Variants in CSMD1 observed in about 807,000 individuals in gnomAD.
The protein encoded by CSMD1 is CUB and Sushi multiple domains 1, also known as CUB and sushi domain-containing protein 1.
A neutral mutation model predicts 417.5 loss-of-function variants in CSMD1; 213 were observed. The ratio of observed to expected loss-of-function variants is 0.51; its 90% CI spans 0.46 to 0.57. The LOEUF is 0.57. CSMD1 is among the 20% of genes least tolerant of loss of function. The probability of loss-of-function intolerance (pLI) is 0.00; values close to 1 mark genes in which losing one functional copy is unlikely to be tolerated. For missense variants in CSMD1, 6,923 were observed against 4,529.7 expected (o/e 1.53, Z -15.17); for synonymous variants, 2,862 against 1,736.8 (o/e 1.65, Z -16.11).
intron 5 of CSMD1, among the ~76,000 whole-genome samples, chr8:3,993,200 C>T (rs1019556675): frequency 1.3e-5 from 2 of 152,200 alleles, no homozygotes; most frequent in African/African-American, 2.4e-5. Flanking sequence ...TATACAGCAA[C>T]TCTCTGTGTT....
intron 1 of CSMD1, among the ~76,000 whole-genome samples, chr8:4,758,740 T>C (rs1811834066): frequency 6.6e-6 from 1 of 152,118 alleles, no homozygotes; most frequent in Non-Finnish European, 1.5e-5. Context: ...GAAACTGCCA[T>C]TAATGAAACC....
chr8:3,883,742 A>G (rs1806367775), intron 5 of CSMD1, among the ~76,000 whole-genome samples: 1 of 152,140 alleles, frequency 6.6e-6, no homozygotes, highest in Non-Finnish European at 1.5e-5. Context: ...CATTGAAACA[A>G]CTGAAACCAG....
chr8:3,121,118 A>C (rs1817179585), intron 41 of CSMD1, among the ~76,000 whole-genome samples: 1 of 152,206 alleles, frequency 6.6e-6, no homozygotes, highest in South Asian at 2.1e-4. Flanking sequence ...GAGACTCATA[A>C]ATGCCAGTGA....
intron 68 of CSMD1, among the ~76,000 whole-genome samples, chr8:2,945,746 C>T (rs1034713098): frequency 2.0e-5 from 3 of 152,248 alleles, no homozygotes; most frequent in Admixed American, 1.3e-4. Flanking sequence ...TCTCTCATTG[C>T]CCTCCTTCCA....
chr8:4,589,465 G>C (rs935011961), intron 2 of CSMD1, among the ~76,000 whole-genome samples: 3 of 152,274 alleles, frequency 2.0e-5, no homozygotes, highest in East Asian at 1.9e-4. Context: ...AGTTAAGTAA[G>C]ACAAACTCTC....
At chr8:4,483,849 T>C (rs1801230062) in intron 2 of CSMD1, among the ~76,000 whole-genome samples, 1 of 152,238 alleles carries the variant, frequency 6.6e-6, no homozygotes, top group African/African-American at 2.4e-5. Context: ...AAAATATTTC[T>C]GGGTGTTTCA....
At chr8:4,664,181 T>A (rs906790521) in intron 1 of CSMD1, among the ~76,000 whole-genome samples, 1 of 152,188 alleles carries the variant, frequency 6.6e-6, no homozygotes, top group African/African-American at 2.4e-5. Flanking sequence ...CATCTCAAAG[T>A]AGCCCAGGGA....
At chr8:3,714,698 C>T (rs1801728842) in intron 6 of CSMD1, among the ~76,000 whole-genome samples, 1 of 152,050 alleles carries the variant, frequency 6.6e-6, no homozygotes, top group Non-Finnish European at 1.5e-5. Context: ...AACGGTGCCA[C>T]TGTACTCCAG....
At chr8:3,666,780 T>C (rs1422086447) in intron 7 of CSMD1, among the ~76,000 whole-genome samples, 1 of 152,222 alleles carries the variant, frequency 6.6e-6, no homozygotes, top group Non-Finnish European at 1.5e-5. Context: ...GCCTTTAGCC[T>C]TCCATCATGA....
intron 26 of CSMD1, among the ~76,000 whole-genome samples, chr8:3,275,586 C>G (rs1234541748): frequency 1.3e-5 from 2 of 152,214 alleles, no homozygotes; most frequent in South Asian, 2.1e-4. Flanking sequence ...TAGATTCAGT[C>G]TTTTCACATA....
chr8:4,015,528 C>T (rs959276815), intron 4 of CSMD1, among the ~76,000 whole-genome samples: 1 of 152,048 alleles, frequency 6.6e-6, no homozygotes, highest in African/African-American at 2.4e-5. Flanking sequence ...AATGGGCCTA[C>T]ACTATTTAGC....
At chr8:4,455,798 G>C (rs1009643128) in intron 2 of CSMD1, among the ~76,000 whole-genome samples, 7 of 151,068 alleles carry the variant, frequency 4.6e-5, no homozygotes, top group African/African-American at 1.5e-4. Context: ...GGATGTGGTG[G>C]CATGTGCCTG....
chr8:3,765,978 A>T (rs1223050965), intron 5 of CSMD1, among the ~76,000 whole-genome samples: 2 of 152,264 alleles, frequency 1.3e-5, no homozygotes, highest in Non-Finnish European at 2.9e-5. Context: ...GAATTAACCC[A>T]GAGGTCAGGC....
intron 5 of CSMD1, among the ~76,000 whole-genome samples, chr8:3,956,573 T>C (rs1811963039): frequency 6.6e-6 from 1 of 152,348 alleles, no homozygotes; most frequent in East Asian, 1.9e-4. Flanking sequence ...ATGTATCAAA[T>C]ACTGTGCCCC....
intron 3 of CSMD1, among the ~76,000 whole-genome samples, chr8:4,042,945 G>A (rs1020040012): frequency 6.6e-6 from 1 of 150,486 alleles, no homozygotes; most frequent in Non-Finnish European, 1.5e-5. Context: ...GGCCAAGAGA[G>A]CAAAAACCCA....
intron 5 of CSMD1, among the ~76,000 whole-genome samples, chr8:3,966,966 T>C (rs926354681): frequency 1.3e-5 from 2 of 152,134 alleles, no homozygotes; most frequent in African/African-American, 4.8e-5. Flanking sequence ...CTCCATTCTG[T>C]TTTCAGGAGT....
intron 28 of CSMD1, among the ~76,000 whole-genome samples, chr8:3,222,499 T>C (rs1798275105): frequency 6.6e-6 from 1 of 152,098 alleles, no homozygotes; most frequent in African/African-American, 2.4e-5. Context: ...TTTGTAGTGA[T>C]GGAGTCTTGC....
chr8:4,644,925 T>A (rs1480934043), intron 1 of CSMD1, among the ~76,000 whole-genome samples: 1 of 151,980 alleles, frequency 6.6e-6, no homozygotes, highest in African/African-American at 2.4e-5. Flanking sequence ...GTGTGGGAGG[T>A]AGAGGTGGTC....
intron 3 of CSMD1, among the ~76,000 whole-genome samples, chr8:4,296,671 G>A (rs999362758): frequency 6.8e-6 from 1 of 147,894 alleles, no homozygotes; most frequent in Non-Finnish European, 1.5e-5. Context: ...CCTAGGCTTG[G>A]GTCCCTGAAA....
Sources: gnomAD v4.1 joint callset for allele counts (sites outside exome capture counted in the v4.1 genomes callset) on GRCh38, gnomAD v4.1.1 for gene constraint, MANE v1.5 for transcripts, NCBI Gene and HGNC (gene_info 2026-07-23, HGNC 2026-07-21) for gene names.